The following HCRTR2 variants were observed in gnomAD, a reference collection of about 807,000 sequenced individuals.
The protein encoded by HCRTR2 is orexin receptor type 2.
HCRTR2 carries 22 observed loss-of-function variants against 49.0 expected under a neutral mutation model. That is an observed-to-expected ratio of 0.45 (90% CI 0.32 to 0.64). The LOEUF is 0.64. Ranked by LOEUF, HCRTR2 falls within the 30% of genes least tolerant of loss-of-function variation. The probability of loss-of-function intolerance (pLI) is 0.04; values close to 1 mark genes in which losing one functional copy is unlikely to be tolerated. For missense variants in HCRTR2, 491 were observed against 559.4 expected (o/e 0.88, Z 1.23); for synonymous variants, 236 against 205.3 (o/e 1.15, Z -1.28).
At chr6:55,258,466 C>A (rs1766694134) in intron 3 of HCRTR2, among the ~76,000 whole-genome samples, 1 of 151,998 alleles carries the variant, frequency 6.6e-6, no homozygotes, top group African/African-American at 2.4e-5. Flanking sequence ...AATTTACCAG[C>A]AATATGTAAT....
At chr6:55,279,852 G>A (rs886458797) in intron 5 of HCRTR2, among the ~76,000 whole-genome samples, 3 of 151,976 alleles carry the variant, frequency 2.0e-5, no homozygotes, top group Non-Finnish European at 4.4e-5. Context: ...CAGAAGGCAA[G>A]TTTCAGATAG....
chr6:55,163,896 T>C (rs1764840882), intron 1 of HCRTR2, among the ~76,000 whole-genome samples: 3 of 151,978 alleles, frequency 2.0e-5, no homozygotes, highest in Admixed American at 2.0e-4. Context: ...AGGGCTAATA[T>C]CCAGAATCTA....
chr6:55,157,233 TA>T lies in HCRTR2; in HGVS notation c.-377-16976del, dbSNP rs368797057. 5.8e-3 allele frequency among the ~76,000 whole-genome samples: 875 copies of T among 152,104 alleles called. 7 individuals carry two copies. Among genetic ancestry groups the T allele is most frequent in the African/African-American group, 0.02 (832 of 41,474 alleles). On this transcript the variant is annotated intron_variant, in intron 1 of 7. Coordinates refer to the HCRTR2 transcript ENST00000615358. ...ACTTGTATTTCTATACACTAGCAAATAACTCTGAAAATGAAAATAACAAAAC... is the reference window on the plus strand; with the variant it reads ...ACTTGTATTTCTATACACTAGCAAATACTCTGAAAATGAAAATAACAAAAC...
chr6:55,283,370 C>G (rs2127336455), downstream of HCRTR2, among the ~76,000 whole-genome samples: 1 of 151,954 alleles, frequency 6.6e-6, no homozygotes, highest in South Asian at 2.1e-4. Flanking sequence ...CATGGCAGAG[C>G]AGTGAAGCTA....
chr6:55,241,605 T>C (rs1417610518), intron 1 of HCRTR2, among the ~76,000 whole-genome samples: 1 of 152,180 alleles, frequency 6.6e-6, no homozygotes, highest in Non-Finnish European at 1.5e-5. Flanking sequence ...CTACAAATAA[T>C]ACTTTGTTTC....
intron 4 of HCRTR2, among the ~76,000 whole-genome samples, chr6:55,275,123 C>T (rs1399549399): frequency 1.3e-5 from 2 of 152,124 alleles, no homozygotes; most frequent in African/African-American, 4.8e-5. Context: ...TAACTTTATC[C>T]TGGTCACAAA....
At chr6:55,181,536 A>G (rs1765133914) in intron 1 of HCRTR2, among the ~76,000 whole-genome samples, 1 of 152,212 alleles carries the variant, frequency 6.6e-6, no homozygotes, top group African/African-American at 2.4e-5. Flanking sequence ...CATGAGAACA[A>G]TGTTTAATAT....
chr6:55,117,006 G>C (rs1451218204), intron 1 of HCRTR2, among the ~76,000 whole-genome samples: 2 of 151,728 alleles, frequency 1.3e-5, no homozygotes, highest in African/African-American at 4.8e-5. Flanking sequence ...ATATAAAAGA[G>C]AGAACCAATG....
At chr6:55,132,995 T>A (rs1764380455) in intron 1 of HCRTR2, among the ~76,000 whole-genome samples, 2 of 151,728 alleles carry the variant, frequency 1.3e-5, no homozygotes, top group African/African-American at 4.8e-5. Flanking sequence ...ATTCAAACAA[T>A]CCTTAAAAAC....
At chr6:55,282,634 G>A (rs1467705081), downstream of HCRTR2, 8 of 592,458 alleles carry the variant, frequency 1.4e-5, no homozygotes, top group Non-Finnish European at 2.4e-5. Context: ...CTCAACTTTT[G>A]ATTTAAATAT....
chr6:55,230,749 A>G (rs114444525), intron 1 of HCRTR2, among the ~76,000 whole-genome samples: 1,761 of 152,324 alleles, frequency 0.012, 15 homozygotes, highest in Non-Finnish European at 0.019. Context: ...CCATAAATAT[A>G]TGCTGAACGA....
At chr6:55,275,325 C>A (rs553114978) in intron 4 of HCRTR2, among the ~76,000 whole-genome samples, 1 of 152,176 alleles carries the variant, frequency 6.6e-6, no homozygotes, top group African/African-American at 2.4e-5. Context: ...TGATTGAAAC[C>A]TCTGAGATTT....
intron 1 of HCRTR2, among the ~76,000 whole-genome samples, chr6:55,144,379 G>A (rs1029444384): frequency 6.6e-6 from 1 of 152,038 alleles, no homozygotes; most frequent in African/African-American, 2.4e-5. Context: ...GCCTCCCAAA[G>A]TACTGGGATC....
intron 1 of HCRTR2, among the ~76,000 whole-genome samples, chr6:55,178,377 A>C (rs1408101356): frequency 6.6e-6 from 1 of 152,170 alleles, no homozygotes; most frequent in Non-Finnish European, 1.5e-5. Context: ...GTGTGCCATT[A>C]GCAAGTTATT....
At chr6:55,243,446 T>C (rs1228292188) in intron 1 of HCRTR2, among the ~76,000 whole-genome samples, 2 of 152,208 alleles carry the variant, frequency 1.3e-5, no homozygotes, top group Non-Finnish European at 2.9e-5. Flanking sequence ...TTGAGAACCA[T>C]AGCCTACTTT....
chr6:55,199,799 G>A (rs1049806525), intron 1 of HCRTR2, among the ~76,000 whole-genome samples: 1 of 152,062 alleles, frequency 6.6e-6, no homozygotes, highest in Non-Finnish European at 1.5e-5. Context: ...TAAAATCCTA[G>A]GTTTCTCCCT....
At position 55,266,872 on chromosome 6, in the gene HCRTR2, C is replaced by T. The variant is rs751595379; in HGVS notation, c.762+3050C>T. On this transcript the variant is annotated intron_variant, in intron 4 of 6. Coordinates refer to ENST00000370862, the MANE Select transcript of HCRTR2 (RefSeq NM_001384272.1). ...CATTTAAGCATATAGTTTGACATTT[C>T]CCAAACTCTAAAATAAATTTTAAAA... Among the ~76,000 whole-genome samples the T allele has an allele frequency of 1.2e-3, 187 of 152,192 alleles. 1 individual carries two copies. Among genetic ancestry groups the T allele is most frequent in the East Asian group, 9.6e-4 (5 of 5,184 alleles).
intron 1 of HCRTR2, among the ~76,000 whole-genome samples, chr6:55,206,706 G>A (rs1765608278): frequency 6.6e-6 from 1 of 152,000 alleles, no homozygotes; most frequent in South Asian, 2.1e-4. Context: ...ATAAAGGTAT[G>A]TGACATTTGT....
chr6:55,188,652 G>T lies in HCRTR2; in HGVS notation c.223+13842G>T, dbSNP rs561283228. ...AATATTTATTGAACACCCACAATGT[G>T]TAATCTGTTCTATTACATTCTGTGG... On this transcript the variant is annotated intron_variant, in intron 1 of 6. Transcript: ENST00000370862. Among the ~76,000 whole-genome samples the T allele has an allele frequency of 1.2e-4, 19 of 152,264 alleles. No homozygotes were observed. The South Asian group carries it at 3.9e-3, about 32-fold the overall frequency.
Sources: allele counts gnomAD v4.1 joint callset (sites outside exome capture counted in the v4.1 genomes callset), GRCh38; gene constraint gnomAD v4.1.1; transcripts MANE v1.5; gene names NCBI Gene and HGNC (gene_info 2026-07-23, HGNC 2026-07-21).